ARMC8: variants seen among roughly 807,000 people sequenced by gnomAD.
ARMC8 encodes armadillo repeat-containing protein 8.
A neutral mutation model predicts 99.3 loss-of-function variants in ARMC8; 20 were observed. The ratio of observed to expected loss-of-function variants is 0.20; its 90% CI spans 0.14 to 0.29. The LOEUF (loss-of-function observed/expected upper bound fraction) is 0.29, where lower values mean the gene tolerates loss of function less well. Ranked by LOEUF, ARMC8 falls within the 10% of genes least tolerant of loss-of-function variation. The probability of loss-of-function intolerance (pLI) is 1.00; values close to 1 mark genes in which losing one functional copy is unlikely to be tolerated. For synonymous variants in ARMC8, 263 were observed against 278.3 expected, an observed-to-expected ratio of 0.95 and a Z score of 0.55; for missense variants, 569 against 809.5, an observed-to-expected ratio of 0.70 and a Z score of 3.60.
intron 5 of ARMC8, among the ~76,000 whole-genome samples, chr3:138,225,639 C>G (rs967805943): frequency 6.6e-6 from 1 of 152,160 alleles, no homozygotes; most frequent in African/African-American, 2.4e-5. Flanking sequence ...AGTTTCATGA[C>G]ATTGTTCCAC....
chr3:138,209,288 A>G (rs1437438683), intron 1 of ARMC8, among the ~76,000 whole-genome samples: 1 of 152,208 alleles, frequency 6.6e-6, no homozygotes, highest in Non-Finnish European at 1.5e-5. Flanking sequence ...CAAAACTTCT[A>G]GGGCTCGCCA....
At chr3:138,253,605 T>G (rs1160970350) in intron 12 of ARMC8, among the ~76,000 whole-genome samples, 1 of 152,230 alleles carries the variant, frequency 6.6e-6, no homozygotes, top group Non-Finnish European at 1.5e-5. Flanking sequence ...GCTTAATAGT[T>G]TGTCCTAGCT....
chr3:138,253,862 A>C (rs1292951348), intron 12 of ARMC8, among the ~76,000 whole-genome samples: 1 of 152,242 alleles, frequency 6.6e-6, no homozygotes, highest in Non-Finnish European at 1.5e-5. Flanking sequence ...GTCCACACTG[A>C]AAGCCATTTT....
rs538560061 is a variant in ARMC8, at chr3:138,291,886, G to A, written c.1988+1247G>A. Among the ~76,000 whole-genome samples the A allele has an allele frequency of 3.3e-5, 5 of 152,318 alleles. No homozygotes were observed. The South Asian group carries it at 6.2e-4, about 19-fold the overall frequency. On this transcript the variant is annotated intron_variant, in intron 21 of 21. Coordinates refer to ENST00000469044, the MANE Select transcript of ARMC8 (RefSeq NM_001363941.2). ...ATATGGAGAGGGAGAATGCTAATAG[G>A]TGGAAGAATCCAGACCATGAAGAGC...
chr3:138,198,869 CTATT>C (rs2043893353), intron 1 of ARMC8, among the ~76,000 whole-genome samples: 1 of 151,874 alleles, frequency 6.6e-6, no homozygotes, highest in South Asian at 2.1e-4. Flanking sequence ...GATTAATTTA[CTATT>C]TATTTTTGAT....
At chr3:138,232,174 C>T (rs368085606) in intron 6 of ARMC8, among the ~76,000 whole-genome samples, 3 of 151,504 alleles carry the variant, frequency 2.0e-5, no homozygotes, top group African/African-American at 7.3e-5. Context: ...TGGGGTTTCA[C>T]CATGTTGGCC....
At chr3:138,284,763 A>G (rs571889716) in intron 19 of ARMC8, among the ~76,000 whole-genome samples, 18 of 152,196 alleles carry the variant, frequency 1.2e-4, no homozygotes, top group African/African-American at 3.4e-4. Context: ...CTTGTCATCT[A>G]CTGGTTGCCT....
chr3:138,256,005 CA>C (rs2047382859), intron 12 of ARMC8, among the ~76,000 whole-genome samples: 1 of 152,166 alleles, frequency 6.6e-6, no homozygotes, highest in Admixed American at 6.5e-5. Context: ...AGAAACAAAA[CA>C]AAACTGGCTT....
intron 5 of ARMC8, among the ~76,000 whole-genome samples, chr3:138,227,286 G>A (rs2045745404): frequency 6.6e-6 from 1 of 152,210 alleles, no homozygotes; most frequent in Non-Finnish European, 1.5e-5. Context: ...GAGGGAAAGT[G>A]AGGAATGTGA....
chr3:138,188,756 A>G (rs2043215856), intron 1 of ARMC8, among the ~76,000 whole-genome samples: 1 of 152,208 alleles, frequency 6.6e-6, no homozygotes, highest in African/African-American at 2.4e-5. Flanking sequence ...ACATTTGCTT[A>G]TGATTCAGGG....
intron 2 of ARMC8, among the ~76,000 whole-genome samples, chr3:138,218,236 A>T (rs562150494): frequency 6.6e-6 from 1 of 152,320 alleles, no homozygotes; most frequent in South Asian, 2.1e-4. Flanking sequence ...AAGGGGGGGC[A>T]TCAGCCACTT....
At chr3:138,195,908 T>C (rs2043705788) in intron 1 of ARMC8, among the ~76,000 whole-genome samples, 3 of 149,858 alleles carry the variant, frequency 2.0e-5, no homozygotes, top group Non-Finnish European at 3.0e-5. Context: ...TTCAGAGGAA[T>C]GAAGAGTTAC....
chr3:138,204,032 A>G (rs975832558), intron 1 of ARMC8, among the ~76,000 whole-genome samples: 3 of 152,126 alleles, frequency 2.0e-5, no homozygotes, highest in African/African-American at 4.8e-5. Flanking sequence ...TCTTTCTTCA[A>G]ACCACTCACA....
intron 18 of ARMC8, among the ~76,000 whole-genome samples, chr3:138,283,980 T>C (rs750743440): frequency 1.7e-4 from 26 of 152,224 alleles, no homozygotes; most frequent in Middle Eastern, 3.4e-3. Context: ...AAGCAGCAGG[T>C]GGAGGCCTAG....
chr3:138,245,452 C>A (rs2046838994), intron 12 of ARMC8: 1 of 1,356,232 alleles, frequency 7.4e-7, no homozygotes, highest in Admixed American at 3.3e-5. Flanking sequence ...TTATGTTGCA[C>A]ATTTTTGCAT....
intron 6 of ARMC8, among the ~76,000 whole-genome samples, chr3:138,233,448 A>G (rs2046164493): frequency 6.6e-6 from 1 of 152,226 alleles, no homozygotes; most frequent in Non-Finnish European, 1.5e-5. Context: ...GCAGTAAAAC[A>G]TTAGAAACTA....
chr3:138,239,879 C>T lies in ARMC8; in HGVS notation c.837+351C>T, dbSNP rs563996198. On this transcript the variant is annotated intron_variant, in intron 10 of 21. Transcript: ENST00000469044. ...TTTGTACTACAGTTTTAGAGGCAGA[C>T]GATTTGCCACTTTTGCAGAAAAAGA... 2.0e-5 allele frequency among the ~76,000 whole-genome samples: 3 copies of T among 152,172 alleles called. No homozygotes were observed. The East Asian group carries it at 5.8e-4, about 29-fold the overall frequency.
intron 2 of ARMC8, among the ~76,000 whole-genome samples, chr3:138,211,976 A>C (rs1165800896): frequency 2.6e-5 from 4 of 152,222 alleles, no homozygotes; most frequent in Admixed American, 2.6e-4. Context: ...TTCAAACTAA[A>C]GTAGAAGAGA....
At chr3:138,192,774 A>G (rs1328887394) in intron 1 of ARMC8, among the ~76,000 whole-genome samples, 1 of 151,910 alleles carries the variant, frequency 6.6e-6, no homozygotes, top group African/African-American at 2.4e-5. Flanking sequence ...AGTGTAAGCC[A>G]TACTCCCAGC....
Sources: allele counts gnomAD v4.1 joint callset (sites outside exome capture counted in the v4.1 genomes callset), GRCh38; gene constraint gnomAD v4.1.1; transcripts MANE v1.5; gene names NCBI Gene and HGNC (gene_info 2026-07-23, HGNC 2026-07-21).